BACE1: variants seen among roughly 807,000 people sequenced by gnomAD.
The protein encoded by BACE1 is beta-secretase 1.
In BACE1, 21 loss-of-function variants were observed where a neutral mutation model predicts 54.0. The ratio of observed to expected loss-of-function variants is 0.39; its 90% CI spans 0.28 to 0.56. The LOEUF (loss-of-function observed/expected upper bound fraction) is 0.56, where lower values mean the gene tolerates loss of function less well. Among genes scored for constraint, BACE1 ranks in the 20% least tolerant of loss-of-function variants. BACE1 has a pLI of 0.63. For synonymous variants in BACE1, 232 were observed against 260.9 expected, an observed-to-expected ratio of 0.89 and a Z score of 1.07; for missense variants, 511 against 661.2, an observed-to-expected ratio of 0.77 and a Z score of 2.49.
chr11:117,315,058 A>C lies in BACE1; in HGVS notation c.261+477T>G, dbSNP rs2035059681. Among the ~76,000 whole-genome samples the C allele has an allele frequency of 6.6e-6, 1 of 152,142 alleles. No individual in the cohort carries two copies. The highest frequency in any genetic ancestry group is 1.5e-5 in the Non-Finnish European group (1 of 68,018). On this transcript the variant is annotated intron_variant, in intron 1 of 8. Coordinates refer to ENST00000313005, the MANE Select transcript of BACE1 (RefSeq NM_012104.6). This position sits in a 1 kb window ranked among gnomAD's most constrained non-coding sequence, Gnocchi z 5.5. ...AGTGGCAGCCCAGATGGTGGGAGCAAGGTGCTTATTCAACTGCTGCCAGGA... is the reference window on the plus strand; with the variant it reads ...AGTGGCAGCCCAGATGGTGGGAGCACGGTGCTTATTCAACTGCTGCCAGGA...
chr11:117,315,394 A>AC lies in BACE1; in HGVS notation c.261+140dup. 2 of 1,175,020 alleles carry AC rather than the reference A, an allele frequency of 1.7e-6. No individual in the cohort carries two copies. The highest frequency in any genetic ancestry group is 2.3e-6 in the Non-Finnish European group (2 of 873,030). The allele number at this position is 1,175,020 out of a possible 1,614,324, so 72.8% of individuals were successfully genotyped here. ...GAACACTTCTGCCAACAACCACGTG[A>AC]CCCCCGGGGAATGGCTGGGGAGGGG... is the stretch of plus-strand genomic sequence containing the variant. On this transcript the variant is annotated intron_variant, in intron 1 of 8. Transcript: ENST00000313005. This position sits in a 1 kb window ranked among gnomAD's most constrained non-coding sequence, Gnocchi z 5.5.
At chr11:117,311,926 A>C (rs946612740) in intron 1 of BACE1, among the ~76,000 whole-genome samples, 1 of 152,204 alleles carries the variant, frequency 6.6e-6, no homozygotes, top group Non-Finnish European at 1.5e-5. Context: ...GGCGTGAGCC[A>C]CCACACACAG....
intron 1 of BACE1, among the ~76,000 whole-genome samples, chr11:117,303,732 C>T (rs981160778): frequency 1.3e-5 from 2 of 152,192 alleles, no homozygotes; most frequent in African/African-American, 4.8e-5. Flanking sequence ...GGAGTGGGGG[C>T]TCTAGCTCCA....
chr11:117,291,326 G>C (rs907771061), intron 6 of BACE1, among the ~76,000 whole-genome samples: 1 of 151,702 alleles, frequency 6.6e-6, no homozygotes, highest in Non-Finnish European at 1.5e-5. Flanking sequence ...GCCCAGGCTG[G>C]AGTGCAGTGG....
rs649555 is a variant in BACE1 at position 117,286,662 on chromosome 11, A to G, written c.*2904T>C. 0.97 allele frequency: 148,286 copies of G among 152,820 alleles called. 71,986 individuals are homozygous for G. The highest frequency in any genetic ancestry group is 1 in the East Asian group (5,181 of 5,182). 9.5% of individuals were successfully genotyped at this position (152,820 alleles called of 1,614,324 possible). ...CCTTCTTTGTCTTTCATCCTTGCCT[A>G]TCACCTCACAGATGGATTCTTCCTC... On this transcript the variant is annotated 3_prime_UTR_variant, in exon 9 of 9. Transcript: ENST00000313005.
chr11:117,306,766 G>A (rs1754995329), intron 1 of BACE1, among the ~76,000 whole-genome samples: 2 of 151,974 alleles, frequency 1.3e-5, no homozygotes, highest in Non-Finnish European at 2.9e-5. Flanking sequence ...AGCCGAGATC[G>A]CGCCACCGCA....
At chr11:117,300,785 G>C (rs529675087) in intron 1 of BACE1, among the ~76,000 whole-genome samples, 1 of 152,120 alleles carries the variant, frequency 6.6e-6, no homozygotes, top group South Asian at 2.1e-4. Flanking sequence ...CCCTCACATA[G>C]ATACAGCCAC....
intron 1 of BACE1, among the ~76,000 whole-genome samples, chr11:117,300,383 G>A (rs1389468380): frequency 6.6e-6 from 1 of 152,186 alleles, no homozygotes; most frequent in East Asian, 1.9e-4. Context: ...TTCTGGTCCT[G>A]TCCTTCAGCG....
At position 117,290,610 on chromosome 11, in the gene BACE1, T is replaced by A; in HGVS notation, c.1142A>T (p.Tyr381Phe). The A allele has an allele frequency of 6.2e-7, 1 of 1,614,228 alleles. No individual in the cohort carries two copies. Among genetic ancestry groups the A allele is most frequent in the Middle Eastern group, 1.6e-4 (1 of 6,062 alleles). ...EDVATSQDDCYKFAISQSSTG... is the reference protein window; with the variant it reads ...EDVATSQDDCFKFAISQSSTG... ...GGATGACTGTGAGATGGCAAACTTGTAACAGTCGTCTTGGGACGTGGCCAC... is the reference window on the plus strand; with the variant it reads ...GGATGACTGTGAGATGGCAAACTTGAAACAGTCGTCTTGGGACGTGGCCAC... Residue 381 changes from tyrosine (Y) to phenylalanine (F), a missense_variant, in exon 8 of 9, where the codon TAC (tyrosine) becomes TTC (phenylalanine). Physicochemically the swap from Tyr to Phe is conservative, Grantham distance 22. Coordinates refer to ENST00000313005, the MANE Select transcript of BACE1 (RefSeq NM_012104.6).
chr11:117,303,676 T>G (rs1378610179), intron 1 of BACE1, among the ~76,000 whole-genome samples: 1 of 152,216 alleles, frequency 6.6e-6, no homozygotes, highest in African/African-American at 2.4e-5. Flanking sequence ...ATCCACACCC[T>G]TTATTGGTAC....
intron 1 of BACE1, among the ~76,000 whole-genome samples, chr11:117,312,353 T>A (rs1310323075): frequency 6.6e-6 from 1 of 152,212 alleles, no homozygotes; most frequent in Admixed American, 6.5e-5. Context: ...TGTCCATCCT[T>A]CAAGACCATG....
chr11:117,291,168 G>C lies in BACE1; in HGVS notation c.943-119C>G, dbSNP rs564214073. On this transcript the variant is annotated intron_variant, in intron 6 of 8. Transcript: ENST00000313005. ...CTTTTCCAGTGAAATATCTAAAGTGGGGAGGGGTAAACCAACCAGAGGATT... is the reference window on the plus strand; with the variant it reads ...CTTTTCCAGTGAAATATCTAAAGTGCGGAGGGGTAAACCAACCAGAGGATT... The C allele has an allele frequency of 1.1e-4, 142 of 1,306,220 alleles. 3 individuals are homozygous for C. In the South Asian group the frequency reaches 1.9e-3, roughly 18 times the overall value. The allele number at this position is 1,306,220 out of a possible 1,614,324, so 80.9% of individuals were successfully genotyped here.
At position 117,289,677 on chromosome 11, in the gene BACE1, G is replaced by T. The variant is rs1315122917; in HGVS notation, c.1395C>A (p.Ile465=). 13 of 1,614,082 alleles carry T rather than the reference G, an allele frequency of 8.1e-6. No homozygotes were observed. Among genetic ancestry groups the T allele is most frequent in the Non-Finnish European group, 1.1e-5 (13 of 1,180,048 alleles). ...AGAGTGGCAGCATGAAGAGGGCGCA[G>T]ATGGCAGCCATGACATAGGCTATGG... ...LMTIAYVMAA[I]CALFMLPLCL... Residue 465 remains isoleucine, a synonymous_variant, in exon 9 of 9, where the codon ATC becomes ATA. Transcript: ENST00000313005.
At chr11:117,298,421 C>T (rs774184158) in intron 1 of BACE1, among the ~76,000 whole-genome samples, 5 of 152,228 alleles carry the variant, frequency 3.3e-5, no homozygotes, top group Non-Finnish European at 2.9e-5. Context: ...GTCTCTCTAC[C>T]GTCACATCAC....
chr11:117,295,701 A>G (rs1476641997), intron 2 of BACE1: 6 of 1,482,292 alleles, frequency 4.0e-6, no homozygotes, highest in Non-Finnish European at 5.4e-6. Flanking sequence ...GGCTCCGTCA[A>G]GCTCCCCGAG....
rs2034250267 is a variant in BACE1, at chr11:117,285,989, C to G, written c.*3577G>C. The G allele has an allele frequency of 6.6e-6, 1 of 152,666 alleles. No homozygotes were observed. Among genetic ancestry groups the G allele is most frequent in the African/African-American group, 2.4e-5 (1 of 41,458 alleles). 9.5% of individuals were successfully genotyped at this position (152,666 alleles called of 1,614,324 possible). On this transcript the variant is annotated 3_prime_UTR_variant, in exon 9 of 9. Transcript: ENST00000313005. ...TGTGAAGTCCTCACCCTTTCCCATT[C>G]ACTTCTGGTCTCCTAGTCTAGCTAA...
rs2035119380 is a variant in BACE1 at position 117,316,182 on chromosome 11, T to C, written c.-387A>G. 2 of 400,774 alleles carry C rather than the reference T, an allele frequency of 5.0e-6. No individual in the cohort carries two copies. Among genetic ancestry groups the C allele is most frequent in the East Asian group, 7.1e-5 (2 of 28,042 alleles). The allele number at this position is 400,774 out of a possible 1,614,324, so 24.8% of individuals were successfully genotyped here. On this transcript the variant is annotated 5_prime_UTR_variant, in exon 1 of 9. Transcript: ENST00000313005. ...AGGGCTCCGGGCTCCTGCGGCTGCG[T>C]TGGCTGCTCAGGCCACCATAATCCA...
At chr11:117,308,679 G>T (rs902511919) in intron 1 of BACE1, among the ~76,000 whole-genome samples, 2 of 152,110 alleles carry the variant, frequency 1.3e-5, no homozygotes, top group African/African-American at 4.8e-5. Flanking sequence ...GCTGGGTGCG[G>T]TGGCTCATAC....
chr11:117,288,181 A>G lies in BACE1; in HGVS notation c.*1385T>C, dbSNP rs1238127959. ...CATCAAGGAGCTCTTGTGGTGGAGG[A>G]CATAAGGAAGCCCTGAGGCTGCCAT... On this transcript the variant is annotated 3_prime_UTR_variant, in exon 9 of 9. Coordinates refer to ENST00000313005, the MANE Select transcript of BACE1 (RefSeq NM_012104.6). 1 of 152,382 alleles carries G rather than the reference A, an allele frequency of 6.6e-6. No individual in the cohort carries two copies. The highest frequency in any genetic ancestry group is 1.5e-5 in the Non-Finnish European group (1 of 68,072). The allele number at this position is 152,382 out of a possible 1,614,324, so 9.4% of individuals were successfully genotyped here.
Sources: gnomAD v4.1 joint callset for allele counts (sites outside exome capture counted in the v4.1 genomes callset) on GRCh38, gnomAD v4.1.1 for gene constraint, Gnocchi (gnomAD v3.1) non-coding constraint, MANE v1.5 for transcripts, NCBI Gene and HGNC (gene_info 2026-07-23, HGNC 2026-07-21) for gene names.